PER2: variants seen among roughly 807,000 people sequenced by gnomAD.
PER2 encodes period circadian protein homolog 2.
Under a neutral mutation model 121.0 loss-of-function variants are expected in PER2, and 66 were observed. That is an observed-to-expected ratio of 0.55 (90% CI 0.45 to 0.67). The LOEUF (loss-of-function observed/expected upper bound fraction) is 0.67, where lower values mean the gene tolerates loss of function less well. Among genes scored for constraint, PER2 ranks in the 30% least tolerant of loss-of-function variants. The probability of loss-of-function intolerance (pLI) is 0.00; values close to 1 mark genes in which losing one functional copy is unlikely to be tolerated. For synonymous variants in PER2, 684 were observed against 659.9 expected (o/e 1.04, Z -0.56); for missense variants, 1,521 against 1,635.0 (o/e 0.93, Z 1.20).
At chr2:238,297,398 C>T in the PER2 span, among the ~76,000 whole-genome samples, 1 of 152,266 alleles carries the variant, frequency 6.6e-6, no homozygotes, top group Non-Finnish European at 1.5e-5. Context: ...GCATTGTCAC[C>T]TCCTGGTCCA....
rs544151680 is a variant in PER2, at chr2:238,255,486, G to A, written c.2320+171C>T. 5.1e-4 allele frequency: 368 copies of A among 725,228 alleles called. 5 individuals carry two copies. Among genetic ancestry groups the A allele is most frequent in the South Asian group, 4.7e-3 (297 of 63,362 alleles). 44.9% of individuals were successfully genotyped at this position (725,228 alleles called of 1,614,324 possible). On this transcript the variant is annotated intron_variant, in intron 18 of 22. Coordinates refer to ENST00000254657, the MANE Select transcript of PER2 (RefSeq NM_022817.3). ...GCTGACATCCCGAGAGCACCCCCCCGGTGGGAAGTTCTACAGAAACAGATG... is the reference window on the plus strand; with the variant it reads ...GCTGACATCCCGAGAGCACCCCCCCAGTGGGAAGTTCTACAGAAACAGATG...
intron 6 of PER2, among the ~76,000 whole-genome samples, chr2:238,270,113 CTCTT>C (rs933396322): frequency 1.2e-4 from 18 of 152,242 alleles, no homozygotes; most frequent in African/African-American, 4.3e-4. Flanking sequence ...ATTTGTCAGC[CTCTT>C]TCTTTGGCCT....
At chr2:238,284,650 G>A (rs940940890) in intron 1 of PER2, among the ~76,000 whole-genome samples, 6 of 152,098 alleles carry the variant, frequency 3.9e-5, no homozygotes, top group Non-Finnish European at 7.4e-5. Flanking sequence ...TCTGGGCCCC[G>A]GGTGCTTTGC....
chr2:238,297,901 C>A, the PER2 span, among the ~76,000 whole-genome samples: 2 of 152,172 alleles, frequency 1.3e-5, no homozygotes, highest in African/African-American at 4.8e-5. Context: ...GGACATGCCG[C>A]GTGTCTGGCT....
In PER2 at chr2:238,249,349, GTAACT is replaced by G. The variant is rs1271574627; in HGVS notation, c.3468-142_3468-138del. The G allele has an allele frequency of 1.9e-5, 16 of 831,612 alleles. No individual in the cohort carries two copies. The African/African-American group carries it at 2.1e-4, about 11-fold the overall frequency. The allele number at this position is 831,612 out of a possible 1,614,324, so 51.5% of individuals were successfully genotyped here. A position where few individuals can be genotyped will look rare whatever the true frequency, so the allele number is the denominator to read the frequency against. On this transcript the variant is annotated intron_variant, in intron 21 of 22. Coordinates refer to ENST00000254657, the MANE Select transcript of PER2 (RefSeq NM_022817.3). ...TTCTTTAAAAAAATTTTCATTTAAG[GTAACT>G]TAATCTCCCTAGTAAAGAACCCGTA...
At chr2:238,255,608 A>G in intron 18 of PER2, 49 bp downstream of exon 18, 2 of 1,597,286 alleles carry the variant, frequency 1.3e-6, no homozygotes, top group Non-Finnish European at 1.7e-6. Context: ...CTCAGTACCA[A>G]CAGGAATAAA....
rs1455737028 is a variant in PER2, at chr2:238,244,450, A to AT, written c.*1924dup. 7 of 152,480 alleles carry AT rather than the reference A, an allele frequency of 4.6e-5. No homozygotes were observed. The East Asian group carries it at 1.2e-3, about 25-fold the overall frequency. The allele number at this position is 152,480 out of a possible 1,614,324, so 9.4% of individuals were successfully genotyped here. On this transcript the variant is annotated 3_prime_UTR_variant, in exon 23 of 23. Transcript: ENST00000254657. Reference sequence around the variant, plus strand: ...AAAATAATGCTGATGGTAAACATTCATAACAGCAGAGTAAGATTTTGGCAG... The same window carrying AT: ...AAAATAATGCTGATGGTAAACATTCATTAACAGCAGAGTAAGATTTTGGCAG...
At chr2:238,290,451 C>G (rs1559340841), upstream of PER2, among the ~76,000 whole-genome samples, 1 of 152,214 alleles carries the variant, frequency 6.6e-6, no homozygotes, top group East Asian at 1.9e-4. Flanking sequence ...TCATCCACAC[C>G]TTACCGAGAT....
chr2:238,249,400 A>G (rs1470433721), intron 21 of PER2, among the ~76,000 whole-genome samples, 188 bp from the exon 22 acceptor site: 1 of 152,216 alleles, frequency 6.6e-6, no homozygotes, highest in Non-Finnish European at 1.5e-5. Flanking sequence ...GAAAATGATG[A>G]TTCTGGTCAA....
chr2:238,286,329 ACT>A (rs1696782992), intron 1 of PER2, among the ~76,000 whole-genome samples: 1 of 152,018 alleles, frequency 6.6e-6, no homozygotes, highest in Non-Finnish European at 1.5e-5. Context: ...ACGGCAGCTC[ACT>A]CTGTCTTGGG....
intron 12 of PER2, among the ~76,000 whole-genome samples, chr2:238,261,221 G>A (rs991284763): frequency 2.0e-5 from 3 of 152,220 alleles, no homozygotes; most frequent in African/African-American, 7.2e-5. Context: ...ACGCATGGCT[G>A]CAGCCAGCCA....
the PER2 span, chr2:238,295,381 C>G: frequency 6.6e-6 from 1 of 151,862 alleles, no homozygotes; most frequent in African/African-American, 2.4e-5. Context: ...TCTTTCTCCT[C>G]CTTCTTCTTC....
At chr2:238,263,237 G>A (rs561640060) in intron 9 of PER2, among the ~76,000 whole-genome samples, 179 bp from the exon 10 acceptor site, 73 of 133,674 alleles carry the variant, frequency 5.5e-4, no homozygotes, top group Admixed American at 8.5e-4. Context: ...AATAGCAAAC[G>A]AAGGTTCACT....
chr2:238,259,904 T>G, intron 14 of PER2, 65 bp downstream of exon 14: 1 of 771,484 alleles, frequency 1.3e-6, no homozygotes, highest in Non-Finnish European at 2.3e-6. Flanking sequence ...TTAACCCAGG[T>G]TCCCTCTTCT....
At chr2:238,298,534 A>G in the PER2 span, 1 of 152,338 alleles carries the variant, frequency 6.6e-6, no homozygotes, top group East Asian at 1.9e-4. Flanking sequence ...TCAGCAAACT[A>G]TGGCCTGTTC....
intron 1 of PER2, among the ~76,000 whole-genome samples, chr2:238,279,110 G>A (rs552747746): frequency 6.4e-4 from 98 of 152,210 alleles, no homozygotes; most frequent in African/African-American, 2.1e-3. Context: ...ATGCCATCCC[G>A]GGTCCTCCCT....
At position 238,260,231 on chromosome 2, in the gene PER2, T is replaced by A. The variant is rs1273572404; in HGVS notation, c.1543-178A>T. 6.6e-6 allele frequency among the ~76,000 whole-genome samples: 1 copy of A among 150,946 alleles called. No homozygotes were observed. Among genetic ancestry groups the A allele is most frequent in the African/African-American group, 2.4e-5 (1 of 41,066 alleles). On this transcript the variant is annotated intron_variant, in intron 13 of 22. Transcript: ENST00000254657. ...CCTATTTGATGATCCTAAAGAATAA[T>A]AAAAAATAAAGCAAAACGGCACATT...
chr2:238,255,946 G>C (rs377488872), intron 17 of PER2, 35 bp from the exon 18 acceptor site: 1 of 1,613,260 alleles, frequency 6.2e-7, no homozygotes, highest in Non-Finnish European at 8.5e-7. Context: ...TGGTCCACAC[G>C]TGCCCTGTTT....
intron 8 of PER2, among the ~76,000 whole-genome samples, chr2:238,265,996 G>C (rs565805023): frequency 6.6e-6 from 1 of 151,126 alleles, no homozygotes; most frequent in Non-Finnish European, 1.5e-5. Flanking sequence ...CTCCGCCTCC[G>C]AGGTTCAAGC....
Sources: gnomAD v4.1 joint callset for allele counts (sites outside exome capture counted in the v4.1 genomes callset) on GRCh38, gnomAD v4.1.1 for gene constraint, MANE v1.5 for transcripts, NCBI Gene and HGNC (gene_info 2026-07-23, HGNC 2026-07-21) for gene names.